The following VWC2 variants were observed in gnomAD, a reference collection of about 807,000 sequenced individuals.
VWC2 encodes brorin.
In VWC2, 14 loss-of-function variants were observed where a neutral mutation model predicts 29.8. The ratio of observed to expected loss-of-function variants is 0.47; its 90% CI spans 0.31 to 0.74. The LOEUF (loss-of-function observed/expected upper bound fraction) is 0.74. Ranked by LOEUF, VWC2 falls within the 30% of genes least tolerant of loss-of-function variation. The pLI, the probability that VWC2 is intolerant of heterozygous loss-of-function variation, is 0.05. For synonymous variants in VWC2, 213 were observed against 199.0 expected (o/e 1.07, Z -0.59); for missense variants, 457 against 459.8 (o/e 0.99, Z 0.05).
At chr7:49,860,854 G>A (rs1790622229) in intron 3 of VWC2, among the ~76,000 whole-genome samples, 1 of 152,164 alleles carries the variant, frequency 6.6e-6, no homozygotes, top group African/African-American at 2.4e-5. Flanking sequence ...GCCATGTGAG[G>A]CCACAGAAGG....
intron 3 of VWC2, among the ~76,000 whole-genome samples, chr7:49,901,942 T>C (rs1792764665): frequency 7.0e-6 from 1 of 142,046 alleles, no homozygotes; most frequent in African/African-American, 2.7e-5. Flanking sequence ...GGAACAATGA[T>C]AGTTTTTTCA....
At chr7:49,851,293 T>A (rs1790169952) in intron 3 of VWC2, among the ~76,000 whole-genome samples, 1 of 152,208 alleles carries the variant, frequency 6.6e-6, no homozygotes, top group Non-Finnish European at 1.5e-5. Flanking sequence ...CAGACCCTTC[T>A]TAATTACATT....
Position 49,921,673 on chromosome 7 carries a change from A to G in VWC2, c.*9488A>G, listed in dbSNP as rs988213491. ...ATGTAAAGTGTTTATAACATAATAC[A>G]TTGGAATATGAGACTTGAACATTTT... On this transcript the variant is annotated 3_prime_UTR_variant, in exon 4 of 4. Coordinates refer to ENST00000340652, the MANE Select transcript of VWC2 (RefSeq NM_198570.5). 37 of 152,354 alleles carry G rather than the reference A, an allele frequency of 2.4e-4. 1 individual carries two copies. The highest frequency in any genetic ancestry group is 3.4e-4 in the Non-Finnish European group (23 of 68,040). The allele number at this position is 152,354 out of a possible 1,614,324, so 9.4% of individuals were successfully genotyped here. A position where few individuals can be genotyped will look rare whatever the true frequency, so the allele number is the denominator to read the frequency against.
At chr7:49,911,846 G>A (rs1404050773) in intron 3 of VWC2, among the ~76,000 whole-genome samples, 188 bp from the exon 4 acceptor site, 1 of 151,686 alleles carries the variant, frequency 6.6e-6, no homozygotes, top group Non-Finnish European at 1.5e-5. Flanking sequence ...GCAGTGAGCC[G>A]AGATCGTGCC....
intron 3 of VWC2, among the ~76,000 whole-genome samples, chr7:49,808,080 G>A (rs1293696273): frequency 6.6e-6 from 1 of 151,860 alleles, no homozygotes; most frequent in Non-Finnish European, 1.5e-5. Flanking sequence ...GACAGGTCCT[G>A]TTCTTGGTGC....
At chr7:49,867,340 G>A (rs1006085998) in intron 3 of VWC2, among the ~76,000 whole-genome samples, 6 of 152,178 alleles carry the variant, frequency 3.9e-5, no homozygotes, top group African/African-American at 9.7e-5. Context: ...CAGAAAGGCC[G>A]TCCTTACATT....
intron 3 of VWC2, among the ~76,000 whole-genome samples, chr7:49,821,008 T>C (rs6943073): frequency 0.27 from 40,703 of 151,938 alleles, 5,690 homozygotes; most frequent in African/African-American, 0.35. Flanking sequence ...TGCCCAGCCC[T>C]CCCCGCCCAG....
intron 3 of VWC2, among the ~76,000 whole-genome samples, chr7:49,891,909 GA>G (rs1562756134): frequency 2.7e-5 from 4 of 150,864 alleles, no homozygotes; most frequent in African/African-American, 9.7e-5. Flanking sequence ...ATCAAGAGTA[GA>G]AAGTAAATGT....
intron 3 of VWC2, among the ~76,000 whole-genome samples, chr7:49,890,863 A>T (rs1339281760): frequency 6.6e-6 from 1 of 152,160 alleles, no homozygotes; most frequent in Non-Finnish European, 1.5e-5. Flanking sequence ...TAAGATTTGT[A>T]TTTAAGGATT....
chr7:49,864,073 TTTGTTG>T (rs143006334), intron 3 of VWC2, among the ~76,000 whole-genome samples: 1 of 151,964 alleles, frequency 6.6e-6, no homozygotes, highest in Non-Finnish European at 1.5e-5. Context: ...GTCTCCTGTT[TTTGTTG>T]TTGTTGTTGT....
At chr7:49,797,086 G>A (rs927477933) in intron 2 of VWC2, among the ~76,000 whole-genome samples, 8 of 152,160 alleles carry the variant, frequency 5.3e-5, no homozygotes, top group Admixed American at 5.2e-4. Flanking sequence ...ATGTCTATAA[G>A]TATTGAGCAT....
intron 3 of VWC2, among the ~76,000 whole-genome samples, chr7:49,908,032 A>G (rs1793201052): frequency 6.6e-6 from 1 of 152,236 alleles, no homozygotes; most frequent in Non-Finnish European, 1.5e-5. Flanking sequence ...CACAAAAGAC[A>G]GCCTTGCAGG....
rs1219673678 is a variant in VWC2, at chr7:49,916,324, G to C, written c.*4139G>C. Reference sequence around the variant, plus strand: ...GTGGCTGGTGAGACTTCTGGGCCCTGGGTACCACAGACTATACTCTAAACA... The same window carrying C: ...GTGGCTGGTGAGACTTCTGGGCCCTCGGTACCACAGACTATACTCTAAACA... On this transcript the variant is annotated 3_prime_UTR_variant, in exon 4 of 4. Coordinates refer to ENST00000340652, the MANE Select transcript of VWC2 (RefSeq NM_198570.5). 6.6e-6 allele frequency: 1 copy of C among 152,120 alleles called. No homozygotes were observed. Among genetic ancestry groups the C allele is most frequent in the African/African-American group, 2.4e-5 (1 of 41,420 alleles). 9.4% of individuals were successfully genotyped at this position (152,120 alleles called of 1,614,324 possible).
chr7:49,855,723 G>A (rs963395811), intron 3 of VWC2, among the ~76,000 whole-genome samples: 1 of 152,168 alleles, frequency 6.6e-6, no homozygotes, highest in Non-Finnish European at 1.5e-5. Context: ...AGTCCCCTGA[G>A]GGGCCAGTTC....
intron 3 of VWC2, among the ~76,000 whole-genome samples, chr7:49,871,756 T>A (rs2128723463): frequency 6.6e-6 from 1 of 152,088 alleles, no homozygotes; most frequent in East Asian, 1.9e-4. Context: ...TGGTTTGTTT[T>A]AAAAATATTG....
chr7:49,901,552 C>A (rs181834812), intron 3 of VWC2, among the ~76,000 whole-genome samples: 1 of 151,466 alleles, frequency 6.6e-6, no homozygotes, highest in African/African-American at 2.4e-5. Flanking sequence ...TAGAAAAAAT[C>A]ATAGAATATA....
chr7:49,803,455 A>G (rs1393647269), intron 3 of VWC2, among the ~76,000 whole-genome samples: 1 of 152,162 alleles, frequency 6.6e-6, no homozygotes, highest in Admixed American at 6.5e-5. Context: ...AAGAGTGCAT[A>G]CCCAGGCTGG....
chr7:49,913,584 C>T lies in VWC2; in HGVS notation c.*1399C>T, dbSNP rs1021863459. On this transcript the variant is annotated 3_prime_UTR_variant, in exon 4 of 4. Transcript: ENST00000340652. ...TTATTCTGAAATTTTGCATTAAGAA[C>T]CTATTAAGTACAAAGCATTGACAAC... The T allele has an allele frequency of 6.6e-6, 1 of 151,994 alleles. No individual in the cohort carries two copies. The highest frequency in any genetic ancestry group is 1.9e-4 in the East Asian group (1 of 5,176). The allele number at this position is 151,994 out of a possible 1,614,324, so 9.4% of individuals were successfully genotyped here. A position where few individuals can be genotyped will look rare whatever the true frequency, so the allele number is the denominator to read the frequency against.
intron 3 of VWC2, among the ~76,000 whole-genome samples, chr7:49,895,129 C>T (rs1205627139): frequency 2.0e-5 from 3 of 152,142 alleles, no homozygotes; most frequent in African/African-American, 4.8e-5. Context: ...AACATAAAGG[C>T]ACTTGCAGAT....
Sources: allele counts gnomAD v4.1 joint callset (sites outside exome capture counted in the v4.1 genomes callset), GRCh38; gene constraint gnomAD v4.1.1; transcripts MANE v1.5; gene names NCBI Gene and HGNC (gene_info 2026-07-23, HGNC 2026-07-21).